LMX1A: variants seen among roughly 807,000 people sequenced by gnomAD.
The protein encoded by LMX1A is LIM homeobox transcription factor 1 alpha.
Under a neutral mutation model 49.1 loss-of-function variants are expected in LMX1A, and 15 were observed. The ratio of observed to expected loss-of-function variants is 0.31; its 90% CI spans 0.20 to 0.47. The LOEUF (loss-of-function observed/expected upper bound fraction) is 0.47. Ranked by LOEUF, LMX1A falls within the 20% of genes least tolerant of loss-of-function variation. The probability of loss-of-function intolerance (pLI) is 1.00; values close to 1 mark genes in which losing one functional copy is unlikely to be tolerated. For missense variants in LMX1A, 372 were observed against 475.8 expected (o/e 0.78, Z 2.03); for synonymous variants, 167 against 185.7 (o/e 0.90, Z 0.82).
At chr1:165,326,742 C>T (rs918155713) in intron 3 of LMX1A, among the ~76,000 whole-genome samples, 6 of 152,268 alleles carry the variant, frequency 3.9e-5, no homozygotes, top group Middle Eastern at 3.4e-3. Flanking sequence ...TCAACCATTT[C>T]CCCCAAACTT....
At chr1:165,297,350 G>A (rs1654645747) in intron 3 of LMX1A, among the ~76,000 whole-genome samples, 1 of 152,200 alleles carries the variant, frequency 6.6e-6, no homozygotes, top group Non-Finnish European at 1.5e-5. Context: ...TCTAGGCAGG[G>A]GCTAGGCATT....
intron 3 of LMX1A, among the ~76,000 whole-genome samples, chr1:165,345,000 G>T (rs1656194045): frequency 6.6e-6 from 1 of 152,184 alleles, no homozygotes; most frequent in Non-Finnish European, 1.5e-5. Context: ...TGCAGAGACA[G>T]GGGGCCTATT....
At chr1:165,353,348 C>G in intron 2 of LMX1A, 86 bp from the exon 3 acceptor site, 1 of 1,073,998 alleles carries the variant, frequency 9.3e-7, no homozygotes, top group Non-Finnish European at 1.3e-6. Flanking sequence ...CTGATCCCTT[C>G]ACATCCACGG....
At chr1:165,255,946 C>G (rs1384113494) in intron 3 of LMX1A, among the ~76,000 whole-genome samples, 1 of 151,898 alleles carries the variant, frequency 6.6e-6, no homozygotes, top group African/African-American at 2.4e-5. Flanking sequence ...GCACTCCAGC[C>G]TGGCAACAAG....
Position 165,217,319 on chromosome 1 carries a change from G to A in LMX1A, c.497-3506C>T, listed in dbSNP as rs186626956. Among the ~76,000 whole-genome samples the A allele has an allele frequency of 9.9e-5, 15 of 152,282 alleles. No individual in the cohort carries two copies. In the East Asian group the frequency reaches 1.7e-3, roughly 18 times the overall value. The stretch of plus-strand genomic sequence containing the variant: ...CTGGGGTCCTCCTACTGCTGTTGCT[G>A]TACTCAGCCTTGCCTGGGACATGTG... On this transcript the variant is annotated intron_variant, in intron 4 of 8. Coordinates refer to ENST00000342310, the MANE Select transcript of LMX1A (RefSeq NM_177398.4).
At chr1:165,307,867 C>G (rs1571214103) in intron 3 of LMX1A, among the ~76,000 whole-genome samples, 1 of 152,152 alleles carries the variant, frequency 6.6e-6, no homozygotes, top group African/African-American at 2.4e-5. Context: ...AAAAACAGTT[C>G]CTGAACAACA....
chr1:165,288,005 G>A (rs79149842), intron 3 of LMX1A, among the ~76,000 whole-genome samples: 3,208 of 152,238 alleles, frequency 0.021, 120 homozygotes, highest in African/African-American at 0.073. Context: ...TGTGAAAACC[G>A]AATAATAAAA....
chr1:165,319,827 A>T (rs1156617292), intron 3 of LMX1A, among the ~76,000 whole-genome samples: 1 of 152,156 alleles, frequency 6.6e-6, no homozygotes, highest in African/African-American at 2.4e-5. Context: ...GGGATCATAG[A>T]TTATTTTCAT....
intron 3 of LMX1A, among the ~76,000 whole-genome samples, chr1:165,307,610 G>T (rs1379102133): frequency 6.6e-6 from 1 of 152,192 alleles, no homozygotes; most frequent in Non-Finnish European, 1.5e-5. Context: ...TATGTGCTGA[G>T]ATTGTAGTAG....
In LMX1A at chr1:165,355,546, A is replaced by T; in HGVS notation, c.14T>A (p.Leu5Gln). 6.2e-7 allele frequency: 1 copy of T among 1,613,892 alleles called. No homozygotes were observed. Among genetic ancestry groups the T allele is most frequent in the South Asian group, 1.1e-5 (1 of 91,000 alleles). Residue 5 changes from leucine to glutamine, a missense_variant, in exon 2 of 9, where the codon CTA becomes CAA. Physicochemically the swap from Leu to Gln is moderately radical, Grantham distance 113. Coordinates refer to ENST00000342310, the MANE Select transcript of LMX1A (RefSeq NM_177398.4). The surrounding 1 kb of genome is among the most constrained non-coding windows in gnomAD (Gnocchi z 4.7). MLDG[L>Q]KMEENFQSAI... The stretch of plus-strand genomic sequence containing the variant: ...GCTTTGGAAGTTCTCCTCCATCTTT[A>T]GGCCGTCCAGCATGTTCGGGCCGGG...
chr1:165,312,089 T>A (rs1335157721), intron 3 of LMX1A, among the ~76,000 whole-genome samples: 2 of 152,230 alleles, frequency 1.3e-5, no homozygotes, highest in Non-Finnish European at 2.9e-5. Context: ...GATTTGGATG[T>A]TTTCCTTTGT....
intron 3 of LMX1A, among the ~76,000 whole-genome samples, chr1:165,310,848 A>G (rs1469157363): frequency 6.6e-6 from 1 of 152,244 alleles, no homozygotes; most frequent in East Asian, 1.9e-4. Context: ...CGATGCGGAC[A>G]AGGACTTGAG....
intron 3 of LMX1A, among the ~76,000 whole-genome samples, chr1:165,350,472 A>C (rs1417426098): frequency 6.6e-6 from 1 of 152,180 alleles, no homozygotes; most frequent in Non-Finnish European, 1.5e-5. Context: ...CTCCTCATCT[A>C]GCCTAGCGTC....
chr1:165,316,169 T>G (rs1655214515), intron 3 of LMX1A, among the ~76,000 whole-genome samples: 1 of 152,202 alleles, frequency 6.6e-6, no homozygotes. Context: ...GCTGCCTTGG[T>G]GACATTCTGT....
chr1:165,234,843 T>C (rs1462555137), intron 4 of LMX1A, among the ~76,000 whole-genome samples: 2 of 152,258 alleles, frequency 1.3e-5, no homozygotes, highest in African/African-American at 4.8e-5. Flanking sequence ...GCTTCAATTC[T>C]TTGATTCTTT....
chr1:165,323,302 A>C (rs1248059463), intron 3 of LMX1A, among the ~76,000 whole-genome samples: 2 of 152,210 alleles, frequency 1.3e-5, no homozygotes, highest in Non-Finnish European at 2.9e-5. Context: ...AAAGCACCAA[A>C]TCTATGTAAG....
Position 165,270,640 on chromosome 1 carries a change from G to A in LMX1A, c.264-21000C>T, listed in dbSNP as rs1051840884. On this transcript the variant is annotated intron_variant, in intron 3 of 8. Coordinates refer to ENST00000342310, the MANE Select transcript of LMX1A (RefSeq NM_177398.4). ...ATGTTTTAGAAAATTCTTATTTCCT[G>A]CCAGATCTGAGGTTGGTTTGAGTGG... Among the ~76,000 whole-genome samples the A allele has an allele frequency of 2.0e-5, 3 of 152,124 alleles. No homozygotes were observed. In the East Asian group the frequency reaches 5.8e-4, roughly 29 times the overall value.
chr1:165,249,412 G>C lies in LMX1A; in HGVS notation c.492C>G (p.Asp164Glu). ...LLSLVSPAAS[D>E]SGKSDDEESL... ...TGCCCACCACCTGGCACTCACCTGA[G>C]TCTGAGGCTGCTGGGCTCACCAGGC... The change falls in exon 4 of 9, where the codon GAC becomes GAG. Residue 164 changes from aspartate to glutamate, a missense_variant. Coordinates refer to ENST00000342310, the MANE Select transcript of LMX1A (RefSeq NM_177398.4). The C allele has an allele frequency of 1.2e-6, 2 of 1,612,642 alleles. No individual in the cohort carries two copies. The highest frequency in any genetic ancestry group is 1.7e-6 in the Non-Finnish European group (2 of 1,178,606).
intron 3 of LMX1A, among the ~76,000 whole-genome samples, chr1:165,260,021 T>C (rs561454547): frequency 1.6e-4 from 24 of 152,338 alleles, no homozygotes; most frequent in African/African-American, 4.8e-4. Context: ...GCACAACTTA[T>C]AGACTTTCCA....
Sources: gnomAD v4.1 joint callset for allele counts (sites outside exome capture counted in the v4.1 genomes callset) on GRCh38, gnomAD v4.1.1 for gene constraint, Gnocchi (gnomAD v3.1) non-coding constraint, MANE v1.5 for transcripts, NCBI Gene and HGNC (gene_info 2026-07-23, HGNC 2026-07-21) for gene names.